The following ST8SIA1 variants were observed in gnomAD, a reference collection of about 807,000 sequenced individuals.
ST8SIA1 encodes ST8 alpha-N-acetyl-neuraminide alpha-2,8-sialyltransferase 1.
ST8SIA1 carries 16 observed loss-of-function variants against 35.9 expected under a neutral mutation model. That is an observed-to-expected ratio of 0.45 (90% CI 0.30 to 0.68). The LOEUF is 0.68. ST8SIA1 is among the 30% of genes least tolerant of loss of function. The pLI is 0.09. For missense variants in ST8SIA1, 383 were observed against 453.6 expected (o/e 0.84, Z 1.41); for synonymous variants, 170 against 169.6 (o/e 1.00, Z -0.02).
At chr12:22,250,189 C>T (rs79033110) in intron 3 of ST8SIA1, among the ~76,000 whole-genome samples, 2,119 of 152,220 alleles carry the variant, frequency 0.014, 55 homozygotes, top group African/African-American at 0.048. Flanking sequence ...ATGACCACTG[C>T]GAATTCAAAT....
At position 22,327,473 on chromosome 12, in the gene ST8SIA1, T is replaced by C. The variant is rs191939160; in HGVS notation, c.236+6524A>G. Among the ~76,000 whole-genome samples the C allele has an allele frequency of 3.3e-5, 5 of 152,238 alleles. No individual in the cohort carries two copies. In the East Asian group the frequency reaches 9.7e-4, roughly 29 times the overall value. On this transcript the variant is annotated intron_variant, in intron 1 of 4. Coordinates refer to ENST00000396037, the MANE Select transcript of ST8SIA1 (RefSeq NM_003034.4). ...GGGCAAGCCACTCTCAGGAAGAAGA[T>C]TGGGGAAAATGCCCCACGCAGGCAG...
At chr12:22,241,871 C>T (rs1865544744) in intron 4 of ST8SIA1, among the ~76,000 whole-genome samples, 1 of 151,942 alleles carries the variant, frequency 6.6e-6, no homozygotes, top group African/African-American at 2.4e-5. Context: ...CATTTTATTC[C>T]TCCTCCCCCC....
chr12:22,333,968 G>C (rs113163693), intron 1 of ST8SIA1, 29 bp downstream of exon 1: 4 of 1,600,708 alleles, frequency 2.5e-6, no homozygotes, highest in Admixed American at 3.3e-5. Context: ...AAGGACGCTA[G>C]AGGGGAGGAG....
chr12:22,254,589 T>C (rs750740571), intron 3 of ST8SIA1, among the ~76,000 whole-genome samples: 3 of 152,224 alleles, frequency 2.0e-5, no homozygotes, highest in Non-Finnish European at 2.9e-5. Context: ...TATACGTGGC[T>C]GGTAAGCATG....
At chr12:22,259,526 C>T (rs112693104) in intron 2 of ST8SIA1, among the ~76,000 whole-genome samples, 1 of 151,620 alleles carries the variant, frequency 6.6e-6, no homozygotes, top group Non-Finnish European at 1.5e-5. Flanking sequence ...AATGCAGTGG[C>T]GCGATCTGGG....
At chr12:22,289,772 G>C (rs1430039595) in intron 1 of ST8SIA1, among the ~76,000 whole-genome samples, 1 of 152,110 alleles carries the variant, frequency 6.6e-6, no homozygotes, top group Non-Finnish European at 1.5e-5. Context: ...AGGAAAATTT[G>C]TCACAGCCAT....
At chr12:22,202,788 G>A (rs920147641) in intron 4 of ST8SIA1, among the ~76,000 whole-genome samples, 1 of 152,150 alleles carries the variant, frequency 6.6e-6, no homozygotes, top group Non-Finnish European at 1.5e-5. Flanking sequence ...GTCCAAGAAA[G>A]CTACAGAGTG....
At chr12:22,321,373 C>T (rs769836495) in intron 1 of ST8SIA1, among the ~76,000 whole-genome samples, 8 of 152,270 alleles carry the variant, frequency 5.3e-5, no homozygotes, top group South Asian at 2.1e-4. Context: ...AGGGTTCACG[C>T]GGAAGCAGCC....
intron 1 of ST8SIA1, among the ~76,000 whole-genome samples, chr12:22,321,186 G>A (rs965667993): frequency 6.6e-6 from 1 of 152,146 alleles, no homozygotes; most frequent in Non-Finnish European, 1.5e-5. Context: ...AAGCGGAAAG[G>A]GAGACGGAAA....
intron 4 of ST8SIA1, among the ~76,000 whole-genome samples, chr12:22,231,985 A>G (rs958603331): frequency 5.3e-5 from 8 of 152,230 alleles, no homozygotes; most frequent in Admixed American, 3.3e-4. Context: ...ATGGAAAAGA[A>G]TGGTTGCTAG....
intron 4 of ST8SIA1, chr12:22,223,608 GTGAGCAGCTGAAGT>G: frequency 8.9e-7 from 1 of 1,125,454 alleles, no homozygotes; most frequent in Non-Finnish European, 1.1e-6. Context: ...TGAGTCTGGA[GTGAGCAGCTGAAGT>G]TGTGGCTTCT....
At chr12:22,276,826 T>A (rs546490269) in intron 2 of ST8SIA1, among the ~76,000 whole-genome samples, 1 of 151,680 alleles carries the variant, frequency 6.6e-6, no homozygotes, top group East Asian at 1.9e-4. Flanking sequence ...GAGATGCTGT[T>A]GAACACATGA....
At chr12:22,328,784 T>C (rs1866716381) in intron 1 of ST8SIA1, among the ~76,000 whole-genome samples, 1 of 152,158 alleles carries the variant, frequency 6.6e-6, no homozygotes, top group Non-Finnish European at 1.5e-5. Flanking sequence ...CTGGAAATAG[T>C]TCTAAACATT....
intron 1 of ST8SIA1, among the ~76,000 whole-genome samples, chr12:22,312,280 T>C (rs1866459246): frequency 6.6e-6 from 1 of 152,132 alleles, no homozygotes; most frequent in Non-Finnish European, 1.5e-5. Context: ...AGACACTTCT[T>C]AGGTTCTAAT....
In ST8SIA1 at chr12:22,249,071, T is replaced by C. The variant is rs1203521148; in HGVS notation, c.519A>G (p.Glu173=). The C allele has an allele frequency of 1.2e-6, 2 of 1,613,480 alleles. No individual in the cohort carries two copies. The highest frequency in any genetic ancestry group is 1.1e-5 in the South Asian group (1 of 91,038). ...MRCNLPPLSS[E]YTKDVGSKSQ... ...TTTTGGATCCAACATCCTTAGTGTA[T>C]TCACTTGACAAAGGAGGGAGATTGC... Residue 173 remains glutamate (E), a synonymous_variant, in exon 4 of 5, where the codon GAA becomes GAG. Transcript: ENST00000396037.
chr12:22,289,351 G>A (rs1268128186), intron 1 of ST8SIA1, among the ~76,000 whole-genome samples: 3 of 151,956 alleles, frequency 2.0e-5, no homozygotes, highest in East Asian at 3.9e-4. Flanking sequence ...GGCTTAGAGC[G>A]GTTCCAGGAC....
chr12:22,197,689 T>C lies in ST8SIA1; in HGVS notation c.*3863A>G, dbSNP rs545730549. On this transcript the variant is annotated 3_prime_UTR_variant, in exon 5 of 5. Transcript: ENST00000396037. The stretch of plus-strand genomic sequence containing the variant: ...CAGGATTTTTTCAGTTATTTTCCAT[T>C]TTAAGCCATGTTGTCCAGATTGCTT... 4 of 152,190 alleles carry C rather than the reference T, an allele frequency of 2.6e-5. No individual in the cohort carries two copies. The highest frequency in any genetic ancestry group is 6.5e-5 in the Admixed American group (1 of 15,278). 9.4% of individuals were successfully genotyped at this position (152,190 alleles called of 1,614,324 possible).
chr12:22,240,449 C>T (rs1328630529), intron 4 of ST8SIA1, among the ~76,000 whole-genome samples: 1 of 151,534 alleles, frequency 6.6e-6, no homozygotes, highest in Non-Finnish European at 1.5e-5. Flanking sequence ...TCCCTTATTT[C>T]AGAACAGATG....
At chr12:22,253,611 G>A (rs949783892) in intron 3 of ST8SIA1, among the ~76,000 whole-genome samples, 7 of 152,162 alleles carry the variant, frequency 4.6e-5, no homozygotes, top group East Asian at 1.9e-4. Context: ...ATTGTTCAAC[G>A]CACCATTCCC....
Sources: allele counts gnomAD v4.1 joint callset (sites outside exome capture counted in the v4.1 genomes callset), GRCh38; gene constraint gnomAD v4.1.1; transcripts MANE v1.5; gene names NCBI Gene and HGNC (gene_info 2026-07-23, HGNC 2026-07-21).